The following SRGAP1 variants were observed in gnomAD, a reference collection of about 807,000 sequenced individuals.
SRGAP1 encodes the protein SLIT-ROBO Rho GTPase-activating protein 1.
In SRGAP1, 43 loss-of-function variants were observed where a neutral mutation model predicts 121.9. The observed-to-expected ratio is 0.35, with a 90% CI of 0.28 to 0.46. SRGAP1 has a LOEUF of 0.46. SRGAP1 is among the 20% of genes least tolerant of loss of function. The probability of loss-of-function intolerance (pLI) is 1.00; values close to 1 mark genes in which losing one functional copy is unlikely to be tolerated. For synonymous variants in SRGAP1, 447 were observed against 485.4 expected (o/e 0.92, Z 1.04); for missense variants, 1,102 against 1,350.9 (o/e 0.82, Z 2.89).
At chr12:63,874,912 C>G (rs1316198928) in intron 1 of SRGAP1, among the ~76,000 whole-genome samples, 2 of 151,960 alleles carry the variant, frequency 1.3e-5, no homozygotes, top group East Asian at 3.9e-4. Context: ...CGTCTTTGGT[C>G]CCTTATAAAA....
In SRGAP1 at chr12:64,091,376, A is replaced by C; in HGVS notation, c.1537A>C (p.Lys513Gln). The change falls in exon 12 of 22, where the codon AAG (lysine) becomes CAG (glutamine). Residue 513 changes from lysine to glutamine, a missense_variant and splice_region_variant. This residue lies in a region of SRGAP1 where 747 missense variants were observed against 929.4 expected (regional missense o/e 0.80). Coordinates refer to ENST00000355086, the MANE Select transcript of SRGAP1 (RefSeq NM_020762.4). Reference sequence around the variant, plus strand: ...TAATGGGGATTTGGAAACATTCGTCAAGGTACTGGCACCAGCCATCTGGGT... The same window carrying C: ...TAATGGGGATTTGGAAACATTCGTCCAGGTACTGGCACCAGCCATCTGGGT... ...LFNGDLETFV[K>Q]DSGQVIPLIV... The C allele has an allele frequency of 1.2e-6, 2 of 1,604,086 alleles. No homozygotes were observed. The highest frequency in any genetic ancestry group is 1.7e-6 in the Non-Finnish European group (2 of 1,173,836).
At chr12:63,925,230 A>G (rs2031215379) in intron 1 of SRGAP1, among the ~76,000 whole-genome samples, 1 of 152,206 alleles carries the variant, frequency 6.6e-6, no homozygotes, top group African/African-American at 2.4e-5. Context: ...ATTCATATTC[A>G]AGGTGAATCT....
intron 2 of SRGAP1, 68 bp from the exon 3 acceptor site, chr12:63,989,842 G>A: frequency 1.6e-6 from 2 of 1,277,328 alleles, no homozygotes; most frequent in Non-Finnish European, 2.2e-6. Flanking sequence ...GTTTGCCTTG[G>A]TGACTTCACT....
chr12:64,132,733 A>C (rs1270373997), intron 21 of SRGAP1, among the ~76,000 whole-genome samples: 5 of 152,386 alleles, frequency 3.3e-5, no homozygotes, highest in Non-Finnish European at 5.9e-5. Flanking sequence ...TCCAGTCAGC[A>C]TAATGTCATC....
chr12:64,032,039 G>A (rs2034792676), intron 4 of SRGAP1, among the ~76,000 whole-genome samples: 1 of 152,174 alleles, frequency 6.6e-6, no homozygotes, highest in Admixed American at 6.5e-5. Flanking sequence ...GGTGTTGCAG[G>A]ACTTTTCCTT....
chr12:63,847,238 A>G (rs1008658158), intron 1 of SRGAP1, among the ~76,000 whole-genome samples: 8 of 152,178 alleles, frequency 5.3e-5, no homozygotes, highest in Admixed American at 3.9e-4. Flanking sequence ...CTGTGGTTCC[A>G]CTTGAACCCA....
At chr12:63,980,821 T>C (rs2033226825) in intron 1 of SRGAP1, among the ~76,000 whole-genome samples, 1 of 152,106 alleles carries the variant, frequency 6.6e-6, no homozygotes, top group South Asian at 2.1e-4. Flanking sequence ...CTCGAACTCC[T>C]GACCTCAAGA....
chr12:64,041,044 A>G (rs1412563110), intron 4 of SRGAP1, among the ~76,000 whole-genome samples: 2 of 152,128 alleles, frequency 1.3e-5, no homozygotes, highest in South Asian at 2.1e-4. Context: ...TGTTCTATAT[A>G]TTCCTAAATT....
chr12:63,913,488 T>TGG, intron 1 of SRGAP1, among the ~76,000 whole-genome samples: 1 of 145,072 alleles, frequency 6.9e-6, no homozygotes, highest in Non-Finnish European at 1.5e-5. Context: ...GATATATATA[T>TGG]ATAAATACAC....
At chr12:63,940,222 A>G (rs1055475283) in intron 1 of SRGAP1, among the ~76,000 whole-genome samples, 1 of 151,962 alleles carries the variant, frequency 6.6e-6, no homozygotes, top group African/African-American at 2.4e-5. Flanking sequence ...TCGCCCTCCC[A>G]AAGTGCTGGT....
chr12:64,131,816 G>A (rs1489930458), intron 21 of SRGAP1, among the ~76,000 whole-genome samples: 1 of 152,218 alleles, frequency 6.6e-6, no homozygotes, highest in East Asian at 1.9e-4. Flanking sequence ...ATGGTGACTT[G>A]ATGACCCATG....
intron 21 of SRGAP1, among the ~76,000 whole-genome samples, chr12:64,134,656 A>C (rs535056780): frequency 6.6e-6 from 1 of 152,196 alleles, no homozygotes; most frequent in South Asian, 2.1e-4. Flanking sequence ...CAGTTAACCA[A>C]GCAAATAAAC....
rs555898625 is a variant in SRGAP1 at position 63,851,731 on chromosome 12, A to AT, written c.67+6855dup. ...AGGCATGCACCCCCATGCCCAGCTA[A>AT]TTTTTTTGTATTTTTGGTAGAGACA... On this transcript the variant is annotated intron_variant, in intron 1 of 21. Coordinates refer to ENST00000355086, the MANE Select transcript of SRGAP1 (RefSeq NM_020762.4). 1.3e-3 allele frequency among the ~76,000 whole-genome samples: 198 copies of AT among 150,548 alleles called. 1 individual carries two copies. Among genetic ancestry groups the AT allele is most frequent in the African/African-American group, 4.6e-3 (188 of 41,058 alleles).
intron 19 of SRGAP1, among the ~76,000 whole-genome samples, chr12:64,126,701 A>C (rs1001536320): frequency 1.8e-4 from 28 of 152,208 alleles, no homozygotes; most frequent in African/African-American, 6.8e-4. Context: ...GGAAAAGACA[A>C]ATATAGCACA....
intron 1 of SRGAP1, among the ~76,000 whole-genome samples, chr12:63,970,942 C>T (rs2032929558): frequency 6.6e-6 from 1 of 152,142 alleles, no homozygotes; most frequent in African/African-American, 2.4e-5. Context: ...ATCAAGATAG[C>T]ATCCTATATC....
intron 8 of SRGAP1, among the ~76,000 whole-genome samples, chr12:64,073,255 A>G (rs2035674910): frequency 6.6e-6 from 1 of 151,948 alleles, no homozygotes; most frequent in African/African-American, 2.4e-5. Context: ...CCATGACACC[A>G]TTGCTTCTGA....
chr12:63,956,847 A>G (rs779385973), intron 1 of SRGAP1, among the ~76,000 whole-genome samples: 1 of 150,016 alleles, frequency 6.7e-6, no homozygotes, highest in Non-Finnish European at 1.5e-5. Flanking sequence ...AATCAATTTT[A>G]GAACATTTTC....
At chr12:63,982,552 TG>T in intron 1 of SRGAP1, 1 of 152,350 alleles carries the variant, frequency 6.6e-6, no homozygotes, top group East Asian at 1.9e-4. Flanking sequence ...TGGTTAAACA[TG>T]GTCAAGTGTA....
At chr12:63,872,173 G>A (rs567749311) in intron 1 of SRGAP1, 326 of 325,364 alleles carry the variant, frequency 1.0e-3, no homozygotes, top group Non-Finnish European at 1.7e-3. Context: ...TTTCATGAGA[G>A]CACCTGTTTG....
Sources: allele counts gnomAD v4.1 joint callset (sites outside exome capture counted in the v4.1 genomes callset), GRCh38; gene constraint gnomAD v4.1.1; regional missense constraint gnomAD v4.1.1; transcripts MANE v1.5; gene names NCBI Gene and HGNC (gene_info 2026-07-23, HGNC 2026-07-21).